ANO3: variants seen among roughly 807,000 people sequenced by gnomAD.
ANO3 encodes the protein anoctamin-3.
A neutral mutation model predicts 144.8 loss-of-function variants in ANO3; 99 were observed. The observed-to-expected ratio is 0.68, with a 90% confidence interval of 0.58 to 0.81. The LOEUF (loss-of-function observed/expected upper bound fraction) is 0.81, where lower values mean the gene tolerates loss of function less well. Among genes scored for constraint, ANO3 ranks in the 30% least tolerant of loss-of-function variants. The pLI is 0.00. For missense variants in ANO3, 905 were observed against 1,202.2 expected (o/e 0.75, Z 3.66); for synonymous variants, 414 against 392.6 (o/e 1.05, Z -0.64).
intron 7 of ANO3, 79 bp from the exon 8 acceptor site, chr11:26,531,126 C>A: frequency 6.6e-7 from 1 of 1,512,338 alleles, no homozygotes; most frequent in Non-Finnish European, 9.0e-7. Flanking sequence ...TTCTTTAGTA[C>A]TTAAGTGAAT....
chr11:26,260,568 T>G (rs1047473608), intron 1 of ANO3, among the ~76,000 whole-genome samples: 1 of 151,942 alleles, frequency 6.6e-6, no homozygotes, highest in Non-Finnish European at 1.5e-5. Flanking sequence ...AGAATAACAC[T>G]TTAGAAGGGA....
At chr11:26,333,489 A>G (rs1214115041) in intron 1 of ANO3, among the ~76,000 whole-genome samples, 4 of 152,032 alleles carry the variant, frequency 2.6e-5, no homozygotes, top group African/African-American at 9.7e-5. Context: ...TCACCGTATT[A>G]GCCAGGATGG....
chr11:26,565,741 T>G, intron 14 of ANO3: 1 of 1,606,076 alleles, frequency 6.2e-7, no homozygotes, highest in Non-Finnish European at 8.5e-7. Flanking sequence ...TCCATTGTTT[T>G]AAAAACTTCT....
At chr11:26,287,178 C>G (rs1853827215) in intron 1 of ANO3, 1 of 152,118 alleles carries the variant, frequency 6.6e-6, no homozygotes, top group Non-Finnish European at 1.5e-5. Context: ...CTATCTGCAC[C>G]ACCAGAGCAG....
chr11:26,400,842 G>C (rs1269629801), intron 1 of ANO3, among the ~76,000 whole-genome samples: 1 of 15,478 alleles, frequency 6.5e-5, no homozygotes, highest in Non-Finnish European at 1.9e-4. Context: ...CTGCCTAGAT[G>C]AATATATATA....
chr11:26,355,392 T>A (rs915180855), intron 1 of ANO3, among the ~76,000 whole-genome samples: 1 of 152,054 alleles, frequency 6.6e-6, no homozygotes, highest in Non-Finnish European at 1.5e-5. Context: ...AGCAGAAAAA[T>A]TTATGTTTAA....
At chr11:26,564,735 ATATAT>A (rs1850484199) in intron 14 of ANO3, among the ~76,000 whole-genome samples, 1 of 17,594 alleles carries the variant, frequency 5.7e-5, no homozygotes, top group African/African-American at 1.9e-4. Flanking sequence ...ACACACACAT[ATATAT>A]ATATATATAT....
chr11:26,522,091 A>G (rs1001836165), intron 6 of ANO3, among the ~76,000 whole-genome samples: 7 of 151,896 alleles, frequency 4.6e-5, no homozygotes, highest in East Asian at 3.9e-4. Context: ...GGCTGAGGCA[A>G]GAGAATGGCG....
intron 1 of ANO3, among the ~76,000 whole-genome samples, chr11:26,343,855 A>C (rs1178865857): frequency 6.6e-6 from 1 of 152,236 alleles, no homozygotes; most frequent in Non-Finnish European, 1.5e-5. Context: ...ATACTAAAAC[A>C]ATAAGATGTT....
intron 10 of ANO3, among the ~76,000 whole-genome samples, chr11:26,539,975 A>G (rs191727657): frequency 6.6e-6 from 1 of 152,278 alleles, no homozygotes; most frequent in Admixed American, 6.5e-5. Flanking sequence ...AGACTTTGTC[A>G]TGTCTTGTAT....
chr11:26,347,399 T>C lies in ANO3; in HGVS notation c.46+15078T>C, dbSNP rs970951424. ...AGATATTTATTGGATATCTAGCAAG[T>C]AGTACTGATGCTGTAAAGCAGGGAA... On this transcript the variant is annotated intron_variant, in intron 1 of 26. Transcript: ENST00000256737. 1.4e-4 allele frequency among the ~76,000 whole-genome samples: 21 copies of C among 152,232 alleles called. 1 individual carries two copies.
intron 3 of ANO3, among the ~76,000 whole-genome samples, chr11:26,462,729 G>A (rs1481968317): frequency 6.6e-6 from 1 of 151,646 alleles, no homozygotes; most frequent in Non-Finnish European, 1.5e-5. Context: ...TTTTTTCATG[G>A]TTCCAATTTT....
chr11:26,422,826 T>C (rs1857792854), intron 1 of ANO3, among the ~76,000 whole-genome samples: 1 of 151,992 alleles, frequency 6.6e-6, no homozygotes, highest in Non-Finnish European at 1.5e-5. Context: ...CAAGCAAGGA[T>C]GTGATGGCAT....
At chr11:26,632,579 G>A (rs182523008) in intron 18 of ANO3, among the ~76,000 whole-genome samples, 10,749 of 141,424 alleles carry the variant, frequency 0.076, 578 homozygotes, top group South Asian at 0.16. Flanking sequence ...AAAAATATAC[G>A]TTTTATATAT....
chr11:26,492,676 C>T (rs906349040), intron 4 of ANO3, among the ~76,000 whole-genome samples: 6 of 152,150 alleles, frequency 3.9e-5, no homozygotes, highest in Admixed American at 6.6e-5. Context: ...TTATCTTCAT[C>T]GCTAGATTTT....
chr11:26,503,969 C>T (rs1223353759), intron 4 of ANO3, among the ~76,000 whole-genome samples: 1 of 152,050 alleles, frequency 6.6e-6, no homozygotes, highest in African/African-American at 2.4e-5. Context: ...TTTGCCTTCA[C>T]CTGGGATTAA....
intron 1 of ANO3, among the ~76,000 whole-genome samples, chr11:26,205,289 C>T (rs901269698): frequency 6.6e-6 from 1 of 152,158 alleles, no homozygotes; most frequent in Admixed American, 6.6e-5. Flanking sequence ...AGAAAATCCT[C>T]ATTTGCATCC....
chr11:26,541,790 G>A (rs1247841255), intron 10 of ANO3, among the ~76,000 whole-genome samples, 157 bp from the exon 11 acceptor site: 2 of 152,018 alleles, frequency 1.3e-5, no homozygotes, highest in Non-Finnish European at 2.9e-5. Context: ...GATATGTAAA[G>A]GCATCCATCA....
intron 18 of ANO3, 105 bp from the exon 19 acceptor site, chr11:26,634,094 AAAAAT>A: frequency 1.9e-6 from 1 of 517,496 alleles, no homozygotes; most frequent in Non-Finnish European, 3.4e-6. Flanking sequence ...AAAAAAAAAA[AAAAAT>A]TAAATTAAAA....
Sources: gnomAD v4.1 joint callset for allele counts (sites outside exome capture counted in the v4.1 genomes callset) on GRCh38, gnomAD v4.1.1 for gene constraint, MANE v1.5 for transcripts, NCBI Gene and HGNC (gene_info 2026-07-23, HGNC 2026-07-21) for gene names.